The following YWHAZ variants were observed in gnomAD, a reference collection of about 807,000 sequenced individuals.
YWHAZ encodes 14-3-3 protein zeta/delta.
For synonymous variants in YWHAZ, 87 were observed against 103.6 expected, an observed-to-expected ratio of 0.84 and a Z score of 0.97; for missense variants, 79 against 284.8, an observed-to-expected ratio of 0.28 and a Z score of 5.20.
intron 2 of YWHAZ, among the ~76,000 whole-genome samples, chr8:100,929,201 ATT>A (rs200634118): frequency 1.3e-4 from 18 of 138,332 alleles, no homozygotes; most frequent in African/African-American, 2.1e-4. Context: ...TCAAACATTG[ATT>A]TTTTTTTTTT....
chr8:100,951,848 A>C lies in YWHAZ; in HGVS notation c.-12+81T>G, dbSNP rs1054743578. On this transcript the variant is annotated intron_variant, in intron 1 of 5. Coordinates refer to ENST00000395958, the MANE Select transcript of YWHAZ (RefSeq NM_145690.3). ...CCGCGGGGCGAGTGGGGATGAGGGG[A>C]CGGAGCGAGGACGGCTCCCACGCGT... 30 of 986,494 alleles carry C rather than the reference A, an allele frequency of 3.0e-5. No homozygotes were observed. In the Admixed American group the frequency reaches 1.8e-3, roughly 59 times the overall value. 61.1% of individuals were successfully genotyped at this position (986,494 alleles called of 1,614,324 possible). A position where few individuals can be genotyped will look rare whatever the true frequency, so the allele number is the denominator to read the frequency against.
intron 2 of YWHAZ, among the ~76,000 whole-genome samples, chr8:100,940,010 G>T (rs1378690501): frequency 1.4e-5 from 2 of 146,186 alleles, no homozygotes; most frequent in Non-Finnish European, 3.0e-5. Flanking sequence ...GGGACAGAGC[G>T]AGACTCCGCG....
chr8:100,921,801 G>A (rs973044337), intron 5 of YWHAZ, among the ~76,000 whole-genome samples: 2 of 152,168 alleles, frequency 1.3e-5, no homozygotes, highest in African/African-American at 4.8e-5. Flanking sequence ...TATTCCACCT[G>A]CTCCAATGTT....
chr8:100,933,018 A>T (rs1813865641), intron 2 of YWHAZ, among the ~76,000 whole-genome samples: 1 of 152,202 alleles, frequency 6.6e-6, no homozygotes, highest in Non-Finnish European at 1.5e-5. Context: ...CCAGTGCTAA[A>T]TGTCAACAAA....
At chr8:100,927,260 C>A (rs531678135) in intron 2 of YWHAZ, among the ~76,000 whole-genome samples, 1 of 152,322 alleles carries the variant, frequency 6.6e-6, no homozygotes, top group South Asian at 2.1e-4. Context: ...CGGTGGCTCA[C>A]TCCTGTAATC....
intron 2 of YWHAZ, among the ~76,000 whole-genome samples, chr8:100,929,441 C>A (rs1291016481): frequency 6.6e-6 from 1 of 152,186 alleles, no homozygotes; most frequent in East Asian, 1.9e-4. Flanking sequence ...TTCAGGTGAT[C>A]CACCTGCCTC....
intron 2 of YWHAZ, among the ~76,000 whole-genome samples, chr8:100,940,564 A>T (rs1563683707): frequency 6.6e-6 from 1 of 152,248 alleles, no homozygotes; most frequent in East Asian, 1.9e-4. Flanking sequence ...GTCAAATATT[A>T]AATAAAAAAT....
At chr8:100,942,596 T>C (rs1169582827) in intron 2 of YWHAZ, among the ~76,000 whole-genome samples, 1 of 152,214 alleles carries the variant, frequency 6.6e-6, no homozygotes, top group Non-Finnish European at 1.5e-5. Flanking sequence ...GAGCCAATCT[T>C]CTGATGCTGA....
chr8:100,928,153 G>GC (rs2130156290), intron 2 of YWHAZ, among the ~76,000 whole-genome samples: 1 of 152,204 alleles, frequency 6.6e-6, no homozygotes, highest in South Asian at 2.1e-4. Flanking sequence ...GGTGGCGGGC[G>GC]CCTGTAGTCC....
At chr8:100,945,527 A>G (rs1275557716) in intron 2 of YWHAZ, among the ~76,000 whole-genome samples, 3 of 152,166 alleles carry the variant, frequency 2.0e-5, no homozygotes, top group Admixed American at 2.0e-4. Flanking sequence ...TATATATCAA[A>G]GCCCAGAAAA....
At chr8:100,947,858 G>A (rs1032877660) in intron 2 of YWHAZ, among the ~76,000 whole-genome samples, 1 of 152,136 alleles carries the variant, frequency 6.6e-6, no homozygotes, top group Non-Finnish European at 1.5e-5. Flanking sequence ...CAGCTTGGTT[G>A]GATTCTCTAC....
chr8:100,920,795 T>TTGGAGGGGGGG (rs373030011), intron 5 of YWHAZ, 43 bp from the exon 6 acceptor site: 1 of 80,652 alleles, frequency 1.2e-5, no homozygotes, highest in African/African-American at 1.3e-4. Context: ...TTCAGTGGGA[T>TTGGAGGGGGGG]GGGGGGGGGG....
chr8:100,951,862 G>A (rs926870310), intron 1 of YWHAZ, 67 bp downstream of exon 1: 1 of 988,840 alleles, frequency 1.0e-6, no homozygotes, highest in Non-Finnish European at 1.2e-6. Flanking sequence ...AGCGAGGACG[G>A]CTCCCACGCG....
At chr8:100,935,406 T>C (rs1814075789) in intron 2 of YWHAZ, among the ~76,000 whole-genome samples, 1 of 152,174 alleles carries the variant, frequency 6.6e-6, no homozygotes, top group Non-Finnish European at 1.5e-5. Context: ...CAAGAGTGTA[T>C]TACCTTACCA....
intron 1 of YWHAZ, chr8:100,951,344 T>A: frequency 1.0e-6 from 1 of 982,958 alleles, no homozygotes; most frequent in Non-Finnish European, 1.2e-6. Flanking sequence ...CGCCACCGCC[T>A]CCCGGGGTGG....
At chr8:100,951,670 G>A in intron 1 of YWHAZ, 1 of 985,340 alleles carries the variant, frequency 1.0e-6, no homozygotes, top group Non-Finnish European at 1.2e-6. Flanking sequence ...CACCCCCGGG[G>A]GCAGGACGGG....
intron 2 of YWHAZ, among the ~76,000 whole-genome samples, chr8:100,938,351 ATCTGT>A (rs1360014653): frequency 6.6e-6 from 1 of 152,134 alleles, no homozygotes; most frequent in Non-Finnish European, 1.5e-5. Flanking sequence ...CAGTGTCTTG[ATCTGT>A]TAAAATAAAA....
rs1812945008 is a variant in YWHAZ at position 100,920,712 on chromosome 8, C to G, written c.719G>C (p.Gly240Ala). The G allele has an allele frequency of 1.9e-6, 3 of 1,606,546 alleles. No homozygotes were observed. Among genetic ancestry groups the G allele is most frequent in the Non-Finnish European group, 2.5e-6 (3 of 1,177,442 alleles). The change falls in exon 6 of 6, where the codon GGA becomes GCA. Residue 240 changes from glycine to alanine, a missense_variant. Coordinates refer to ENST00000395958, the MANE Select transcript of YWHAZ (RefSeq NM_145690.3). ...SDTQGDEAEAGEGGEN is the reference protein window; with the variant it reads ...SDTQGDEAEAAEGGEN ...GGCCGGTTAATTTTCCCCTCCTTCTCCTGCTTCAGCTTCGTCTCCTTGGGT... is the reference window on the plus strand; with the variant it reads ...GGCCGGTTAATTTTCCCCTCCTTCTGCTGCTTCAGCTTCGTCTCCTTGGGT...
Position 100,928,995 on chromosome 8 carries a change from A to T in YWHAZ, c.295-3956T>A, listed in dbSNP as rs185753232. ...TGCTCAGTGAATTCCCTCTTTTCAC[A>T]TAAAGGTAAAACAGGAAACTAAAGA... On this transcript the variant is annotated intron_variant, in intron 2 of 5. Coordinates refer to ENST00000395958, the MANE Select transcript of YWHAZ (RefSeq NM_145690.3). 3.5e-3 allele frequency among the ~76,000 whole-genome samples: 535 copies of T among 152,294 alleles called. 6 individuals are homozygous for T. Among genetic ancestry groups the T allele is most frequent in the African/African-American group, 0.012 (512 of 41,572 alleles).
Sources: gnomAD v4.1 joint callset for allele counts (sites outside exome capture counted in the v4.1 genomes callset) on GRCh38, gnomAD v4.1.1 for gene constraint, MANE v1.5 for transcripts, NCBI Gene and HGNC (gene_info 2026-07-23, HGNC 2026-07-21) for gene names.